The following PXDNL variants were observed in gnomAD, a reference collection of about 807,000 sequenced individuals.
The protein encoded by PXDNL is probable oxidoreductase PXDNL.
Under a neutral mutation model 150.8 loss-of-function variants are expected in PXDNL, and 145 were observed. The observed-to-expected ratio is 0.96, with a 90% CI of 0.84 to 1.10. PXDNL has a LOEUF of 1.10. Ranked by LOEUF, PXDNL falls within the 50% of genes least tolerant of loss-of-function variation. PXDNL has a pLI of 0.00. For synonymous variants in PXDNL, 757 were observed against 725.7 expected, an observed-to-expected ratio of 1.04 and a Z score of -0.69; for missense variants, 2,087 against 1,873.9, an observed-to-expected ratio of 1.11 and a Z score of -2.10.
intron 2 of PXDNL, among the ~76,000 whole-genome samples, chr8:51,605,503 T>G (rs752601121): frequency 1.1e-4 from 16 of 151,960 alleles, no homozygotes; most frequent in Non-Finnish European, 1.6e-4. Flanking sequence ...AATATAAATA[T>G]TCATTATTAA....
chr8:51,791,254 C>T (rs1002144946), intron 1 of PXDNL, among the ~76,000 whole-genome samples: 1 of 152,214 alleles, frequency 6.6e-6, no homozygotes, highest in Admixed American at 6.5e-5. Flanking sequence ...TGCTAAGAGA[C>T]GTCTTCTTAC....
intron 7 of PXDNL, 119 bp downstream of exon 7, chr8:51,474,853 C>A: frequency 1.2e-6 from 1 of 861,120 alleles, no homozygotes. Flanking sequence ...TACCACATTC[C>A]TTAAAAACAC....
chr8:51,685,421 C>T (rs1815852500), intron 1 of PXDNL, among the ~76,000 whole-genome samples: 1 of 152,224 alleles, frequency 6.6e-6, no homozygotes, highest in Non-Finnish European at 1.5e-5. Context: ...CATAGCCCTA[C>T]ATTTGGCAAA....
chr8:51,496,310 T>C (rs1275498362), intron 5 of PXDNL, among the ~76,000 whole-genome samples: 6 of 152,252 alleles, frequency 3.9e-5, no homozygotes, highest in South Asian at 2.1e-4. Context: ...ATGACAAACC[T>C]ACAGCCAATA....
intron 1 of PXDNL, among the ~76,000 whole-genome samples, chr8:51,735,537 T>TG (rs1563304283): frequency 0.25 from 2,679 of 10,668 alleles, 212 homozygotes; most frequent in African/African-American, 0.35. Flanking sequence ...TTTTTTTTTT[T>TG]TTTTTTTTTT....
intron 2 of PXDNL, among the ~76,000 whole-genome samples, chr8:51,593,492 A>G (rs993944759): frequency 6.6e-6 from 1 of 152,218 alleles, no homozygotes; most frequent in African/African-American, 2.4e-5. Context: ...CAAAGCTTTT[A>G]AAAATCTACT....
chr8:51,740,682 T>G (rs1315132792), intron 1 of PXDNL, among the ~76,000 whole-genome samples: 3 of 152,254 alleles, frequency 2.0e-5, no homozygotes, highest in African/African-American at 7.2e-5. Flanking sequence ...GGGTTGTTTT[T>G]TTTTCTTGTA....
At chr8:51,524,932 A>T (rs985182899) in intron 4 of PXDNL, among the ~76,000 whole-genome samples, 6 of 152,208 alleles carry the variant, frequency 3.9e-5, no homozygotes, top group African/African-American at 1.4e-4. Context: ...TTCCAAACCA[A>T]CCTAGAAAAC....
intron 14 of PXDNL, among the ~76,000 whole-genome samples, chr8:51,414,379 C>T (rs1221750643): frequency 6.6e-6 from 1 of 150,828 alleles, no homozygotes; most frequent in Non-Finnish European, 1.5e-5. Context: ...AAAAGACCAC[C>T]AACATAAAAT....
intron 3 of PXDNL, among the ~76,000 whole-genome samples, chr8:51,582,189 G>A (rs61191147): frequency 0.19 from 28,489 of 151,964 alleles, 2,779 homozygotes; most frequent in Admixed American, 0.24. Context: ...CATGGGTTGG[G>A]ATGCTAATCC....
intron 2 of PXDNL, among the ~76,000 whole-genome samples, chr8:51,624,936 T>A (rs1814335336): frequency 1.3e-5 from 2 of 152,064 alleles, no homozygotes; most frequent in African/African-American, 4.8e-5. Context: ...AACGTAATTC[T>A]AAATGTTAAA....
At chr8:51,567,527 C>T (rs1037065634) in intron 3 of PXDNL, among the ~76,000 whole-genome samples, 3 of 151,742 alleles carry the variant, frequency 2.0e-5, no homozygotes, top group African/African-American at 7.3e-5. Context: ...TCTCTTTATC[C>T]CTCAATACTT....
chr8:51,761,524 G>GTATGCATATACAAACATGTATAA (rs1486079169), intron 1 of PXDNL, among the ~76,000 whole-genome samples: 2 of 152,098 alleles, frequency 1.3e-5, no homozygotes, highest in Non-Finnish European at 2.9e-5. Context: ...CCGTATTTAT[G>GTATGCATATACAAACATGTATAA]TATGCATATA....
intron 2 of PXDNL, among the ~76,000 whole-genome samples, chr8:51,640,437 T>C (rs1254841055): frequency 1.3e-5 from 2 of 152,172 alleles, no homozygotes; most frequent in Non-Finnish European, 2.9e-5. Flanking sequence ...GATGACATGA[T>C]TGTATACCTA....
chr8:51,401,052 G>A (rs1808231899), intron 17 of PXDNL, among the ~76,000 whole-genome samples: 1 of 152,170 alleles, frequency 6.6e-6, no homozygotes, highest in South Asian at 2.1e-4. Flanking sequence ...CTGAACTCTG[G>A]GGATTCAAAG....
intron 2 of PXDNL, among the ~76,000 whole-genome samples, chr8:51,637,881 C>T (rs1361380802): frequency 6.6e-6 from 1 of 152,144 alleles, no homozygotes; most frequent in Non-Finnish European, 1.5e-5. Context: ...AGAAGAGCAA[C>T]TCCAAGACAT....
At position 51,690,301 on chromosome 8, in the gene PXDNL, C is replaced by T. The variant is rs545374329; in HGVS notation, c.165-35541G>A. 5.9e-5 allele frequency among the ~76,000 whole-genome samples: 9 copies of T among 152,216 alleles called. No individual in the cohort carries two copies. The East Asian group carries it at 1.7e-3, about 29-fold the overall frequency. On this transcript the variant is annotated intron_variant, in intron 1 of 22. Coordinates refer to ENST00000356297, the MANE Select transcript of PXDNL (RefSeq NM_144651.5). ...TGTCATTTAGCATTAGGTATATCTC[C>T]TAATGCTATCCCTCCCCCTTCCCCA... is the stretch of plus-strand genomic sequence containing the variant.
At chr8:51,685,929 C>G (rs1199164480) in intron 1 of PXDNL, among the ~76,000 whole-genome samples, 1 of 152,178 alleles carries the variant, frequency 6.6e-6, no homozygotes, top group African/African-American at 2.4e-5. Flanking sequence ...ATGAGTATTA[C>G]ATAAGGAGTA....
chr8:51,345,914 G>A lies in PXDNL; in HGVS notation c.3935C>T (p.Thr1312Met), dbSNP rs780135369. ...TGAGCGTTTCTTTTGAGACTCTTGC[G>A]TCACTGCTCTGAACTGTCCTCTACT... ...CRSRGQFRAVTQESQKKRSAQ... is the reference protein window; with the variant it reads ...CRSRGQFRAVMQESQKKRSAQ... The change falls in exon 20 of 23, where the codon ACG becomes ATG. Residue 1312 changes from threonine (T) to methionine (M), a missense_variant. Physicochemically the swap from Thr to Met is moderately conservative, Grantham distance 81. Transcript: ENST00000356297. 42 of 1,613,294 alleles carry A rather than the reference G, an allele frequency of 2.6e-5. No individual in the cohort carries two copies. The highest frequency in any genetic ancestry group is 4.0e-5 in the African/African-American group (3 of 74,886).
Sources: gnomAD v4.1 joint callset for allele counts (sites outside exome capture counted in the v4.1 genomes callset) on GRCh38, gnomAD v4.1.1 for gene constraint, MANE v1.5 for transcripts, NCBI Gene and HGNC (gene_info 2026-07-23, HGNC 2026-07-21) for gene names.